NRG3: variants seen among roughly 807,000 people sequenced by gnomAD.
NRG3 encodes pro-neuregulin-3, membrane-bound isoform.
NRG3 carries 31 observed loss-of-function variants against 66.9 expected under a neutral mutation model. The ratio of observed to expected loss-of-function variants is 0.46; its 90% CI spans 0.35 to 0.63. The LOEUF (loss-of-function observed/expected upper bound fraction) is 0.63, where lower values mean the gene tolerates loss of function less well. NRG3 is among the 20% of genes least tolerant of loss of function. The probability of loss-of-function intolerance (pLI) is 0.00; values close to 1 mark genes in which losing one functional copy is unlikely to be tolerated. For synonymous variants in NRG3, 393 were observed against 359.4 expected (o/e 1.09, Z -1.06); for missense variants, 910 against 878.9 (o/e 1.04, Z -0.45).
chr10:82,236,423 G>A (rs1271569750), intron 1 of NRG3, among the ~76,000 whole-genome samples: 1 of 152,142 alleles, frequency 6.6e-6, no homozygotes, highest in Non-Finnish European at 1.5e-5. Flanking sequence ...AAGCCAGGGT[G>A]CTTCTTTTAA....
chr10:82,035,279 AC>A (rs2062747021), intron 1 of NRG3, among the ~76,000 whole-genome samples: 1 of 152,114 alleles, frequency 6.6e-6, no homozygotes, highest in Non-Finnish European at 1.5e-5. Context: ...TATCAGTAAA[AC>A]ATACGAAAAC....
chr10:82,539,908 A>C (rs2043416743), intron 2 of NRG3, among the ~76,000 whole-genome samples: 2 of 152,192 alleles, frequency 1.3e-5, no homozygotes, highest in Admixed American at 1.3e-4. Context: ...CTGGGATTAC[A>C]GGCGTGAGCC....
Position 81,952,440 on chromosome 10 carries a change from G to C in NRG3, c.823+76277G>C, listed in dbSNP as rs140166267. 1.1e-3 allele frequency among the ~76,000 whole-genome samples: 163 copies of C among 151,914 alleles called. 1 individual carries two copies. In the East Asian group the frequency reaches 0.029, roughly 27 times the overall value. On this transcript the variant is annotated intron_variant, in intron 1 of 8. Coordinates refer to ENST00000372141, the MANE Select transcript of NRG3 (RefSeq NM_001010848.4). The stretch of plus-strand genomic sequence containing the variant: ...GGAGAGAGAAAGAAGGCGGCAGGGG[G>C]GTGCGGAGAGAGAGAGAGACCTCTT...
At chr10:82,545,933 G>A (rs960557902) in intron 2 of NRG3, among the ~76,000 whole-genome samples, 1 of 151,086 alleles carries the variant, frequency 6.6e-6, no homozygotes, top group Non-Finnish European at 1.5e-5. Flanking sequence ...GACGACAGGC[G>A]CCGGCCACCA....
At chr10:82,813,288 AC>A (rs1396608134) in intron 3 of NRG3, among the ~76,000 whole-genome samples, 1 of 135,928 alleles carries the variant, frequency 7.4e-6, no homozygotes, top group Non-Finnish European at 1.5e-5. Flanking sequence ...ATCTTAGCTC[AC>A]TGCAACCTCT....
intron 4 of NRG3, among the ~76,000 whole-genome samples, chr10:82,873,706 G>A (rs1454310288): frequency 6.6e-6 from 1 of 152,156 alleles, no homozygotes; most frequent in African/African-American, 2.4e-5. Flanking sequence ...ATGAAAGCAG[G>A]TGCAATGCCA....
In NRG3 at chr10:81,963,290, C is replaced by T. The variant is rs369024805; in HGVS notation, c.823+87127C>T. On this transcript the variant is annotated intron_variant, in intron 1 of 8. Coordinates refer to ENST00000372141, the MANE Select transcript of NRG3 (RefSeq NM_001010848.4). The stretch of plus-strand genomic sequence containing the variant: ...CTGGGACTACAGGCGCCCGCCACTA[C>T]GCCCGGCTAATTTTTTGTATTTTTA... Among the ~76,000 whole-genome samples, 815 of 150,930 alleles carry T rather than the reference C, an allele frequency of 5.4e-3. 10 individuals carry two copies. The highest frequency in any genetic ancestry group is 0.019 in the African/African-American group (788 of 41,026).
At chr10:82,258,340 T>G (rs1437590293) in intron 1 of NRG3, among the ~76,000 whole-genome samples, 2 of 152,192 alleles carry the variant, frequency 1.3e-5, no homozygotes, top group Non-Finnish European at 2.9e-5. Context: ...TTATATTTGA[T>G]CATTTTATTT....
chr10:82,611,451 A>C (rs1001388818), intron 2 of NRG3, among the ~76,000 whole-genome samples: 1 of 151,784 alleles, frequency 6.6e-6, no homozygotes, highest in South Asian at 2.1e-4. Context: ...CTGGTGTGTG[A>C]TGTTCCCCAC....
At chr10:82,092,389 C>T (rs1456905132) in intron 1 of NRG3, among the ~76,000 whole-genome samples, 1 of 152,064 alleles carries the variant, frequency 6.6e-6, no homozygotes, top group East Asian at 1.9e-4. Flanking sequence ...AACCCACACA[C>T]ACACACGCAC....
chr10:82,407,907 A>G (rs373610069), intron 2 of NRG3, among the ~76,000 whole-genome samples: 52 of 152,038 alleles, frequency 3.4e-4, no homozygotes, highest in African/African-American at 1.2e-3. Flanking sequence ...TGTCTCTACT[A>G]AAAATACAAA....
At chr10:82,141,140 G>A (rs1363760743) in intron 1 of NRG3, among the ~76,000 whole-genome samples, 1 of 152,048 alleles carries the variant, frequency 6.6e-6, no homozygotes, top group Admixed American at 6.6e-5. Context: ...CATGAAAAAG[G>A]ATTGAGCTTC....
At chr10:82,870,620 G>T (rs1841253981) in intron 4 of NRG3, among the ~76,000 whole-genome samples, 1 of 151,984 alleles carries the variant, frequency 6.6e-6, no homozygotes. Flanking sequence ...TCTGGATTTG[G>T]GTCATTTCAA....
chr10:82,387,116 A>T (rs1937959), intron 2 of NRG3, among the ~76,000 whole-genome samples: 1 of 152,182 alleles, frequency 6.6e-6, no homozygotes, highest in Non-Finnish European at 1.5e-5. Flanking sequence ...GGCTTTTCCA[A>T]TACACCATGT....
At chr10:82,346,685 C>A (rs1303672407) in intron 1 of NRG3, among the ~76,000 whole-genome samples, 5 of 150,696 alleles carry the variant, frequency 3.3e-5, no homozygotes, top group Non-Finnish European at 7.4e-5. Flanking sequence ...GCTGTGAATC[C>A]ATCTGGTCCT....
intron 1 of NRG3, among the ~76,000 whole-genome samples, chr10:81,912,278 G>T (rs184883685): frequency 6.6e-6 from 1 of 152,294 alleles, no homozygotes; most frequent in Admixed American, 6.5e-5. Context: ...CTGGAGTTCA[G>T]GGGTGCAGTC....
At chr10:81,916,036 A>G (rs1458593990) in intron 1 of NRG3, among the ~76,000 whole-genome samples, 1 of 152,220 alleles carries the variant, frequency 6.6e-6, no homozygotes, top group East Asian at 1.9e-4. Flanking sequence ...TCATTTCAAC[A>G]TGTAATCAAC....
At chr10:82,479,664 CAAAA>C (rs35572219) in intron 2 of NRG3, among the ~76,000 whole-genome samples, 5 of 59,412 alleles carry the variant, frequency 8.4e-5, no homozygotes, top group Admixed American at 2.0e-4. Context: ...AACTCTGTCT[CAAAA>C]AAAAAAAAAA....
intron 4 of NRG3, among the ~76,000 whole-genome samples, chr10:82,924,152 GTT>G (rs1405573198): frequency 1.3e-5 from 2 of 148,956 alleles, no homozygotes; most frequent in Non-Finnish European, 3.0e-5. Flanking sequence ...CAAGATTCCA[GTT>G]TCTTTCCACT....
Sources: gnomAD v4.1 joint callset for allele counts (sites outside exome capture counted in the v4.1 genomes callset) on GRCh38, gnomAD v4.1.1 for gene constraint, MANE v1.5 for transcripts, NCBI Gene and HGNC (gene_info 2026-07-23, HGNC 2026-07-21) for gene names.